Variants in EPS15 observed in about 807,000 individuals in gnomAD.
EPS15 encodes epidermal growth factor receptor substrate 15.
In EPS15, 72 loss-of-function variants were observed where a neutral mutation model predicts 113.8. The observed-to-expected ratio is 0.63, with a 90% CI of 0.52 to 0.77. EPS15 has a LOEUF of 0.77. Among genes scored for constraint, EPS15 ranks in the 30% least tolerant of loss-of-function variants. The pLI, the probability that EPS15 is intolerant of heterozygous loss-of-function variation, is 0.00. For missense variants in EPS15, 1,048 were observed against 1,045.8 expected, an observed-to-expected ratio of 1.00 and a Z score of -0.03; for synonymous variants, 344 against 363.4, an observed-to-expected ratio of 0.95 and a Z score of 0.61.
chr1:51,400,766 A>G (rs1383126161), intron 19 of EPS15, 152 bp downstream of exon 19: 10 of 445,624 alleles, frequency 2.2e-5, no homozygotes, highest in Admixed American at 8.6e-5. Context: ...ACAATTCATT[A>G]AGCAAAATCA....
At chr1:51,449,230 C>T (rs1009330993) in intron 8 of EPS15, among the ~76,000 whole-genome samples, 2 of 152,116 alleles carry the variant, frequency 1.3e-5, no homozygotes, top group East Asian at 1.9e-4. Context: ...AAATGTGGTA[C>T]ATATACACCA....
At chr1:51,514,413 G>A (rs1644678457) in intron 1 of EPS15, among the ~76,000 whole-genome samples, 1 of 152,018 alleles carries the variant, frequency 6.6e-6, no homozygotes, top group Admixed American at 6.6e-5. Flanking sequence ...ACATGTGAAG[G>A]TTTATTACAT....
chr1:51,519,124 A>AT, intron 1 of EPS15, 75 bp downstream of exon 1: 2 of 1,049,558 alleles, frequency 1.9e-6, no homozygotes, highest in Non-Finnish European at 2.7e-6. Flanking sequence ...ACAAGCCAAG[A>AT]AGTCGGCGAA....
At chr1:51,399,440 T>C (rs1648294946) in intron 19 of EPS15, among the ~76,000 whole-genome samples, 1 of 151,952 alleles carries the variant, frequency 6.6e-6, no homozygotes, top group South Asian at 2.1e-4. Context: ...TAGTCCCAGC[T>C]ACTCGGGAGG....
intron 10 of EPS15, among the ~76,000 whole-genome samples, 159 bp downstream of exon 10, chr1:51,446,801 T>C (rs184069085): frequency 6.6e-6 from 1 of 152,200 alleles, no homozygotes; most frequent in African/African-American, 2.4e-5. Context: ...TCTCAAGCTT[T>C]TGTCCATTAG....
At chr1:51,517,152 GTTA>G (rs1419927307) in intron 1 of EPS15, among the ~76,000 whole-genome samples, 2 of 152,162 alleles carry the variant, frequency 1.3e-5, no homozygotes, top group African/African-American at 4.8e-5. Flanking sequence ...AACTGGAAAT[GTTA>G]TTTTTTCGTG....
At chr1:51,449,201 A>G (rs955878487) in intron 8 of EPS15, among the ~76,000 whole-genome samples, 2 of 152,088 alleles carry the variant, frequency 1.3e-5, no homozygotes, top group South Asian at 2.1e-4. Context: ...ATGCCCATCA[A>G]TGGTAGACTG....
intron 12 of EPS15, among the ~76,000 whole-genome samples, chr1:51,439,570 C>G (rs886162880): frequency 6.6e-6 from 1 of 152,026 alleles, no homozygotes; most frequent in Admixed American, 6.6e-5. Context: ...ATTTTATAGT[C>G]ATTTTTACAA....
chr1:51,383,117 G>C (rs1020348647), intron 21 of EPS15, among the ~76,000 whole-genome samples: 1 of 152,050 alleles, frequency 6.6e-6, no homozygotes, highest in Non-Finnish European at 1.5e-5. Flanking sequence ...ACAGAATGAG[G>C]GGAAAAATAC....
intron 10 of EPS15, 105 bp from the exon 11 acceptor site, chr1:51,445,150 A>G (rs1652918682): frequency 9.9e-7 from 1 of 1,011,954 alleles, no homozygotes; most frequent in Non-Finnish European, 1.4e-6. Flanking sequence ...GGTGAATTTA[A>G]AAAGACAGTC....
chr1:51,397,176 G>C (rs895883214), intron 20 of EPS15: 1 of 152,118 alleles, frequency 6.6e-6, no homozygotes, highest in Admixed American at 6.6e-5. Flanking sequence ...CACCACACCT[G>C]GCCTCAACTT....
intron 12 of EPS15, among the ~76,000 whole-genome samples, chr1:51,439,558 T>C (rs925958276): frequency 6.6e-6 from 1 of 152,098 alleles, no homozygotes; most frequent in Non-Finnish European, 1.5e-5. Context: ...TTTTAAAAAG[T>C]AATTTTATAG....
intron 21 of EPS15, among the ~76,000 whole-genome samples, chr1:51,375,327 A>G (rs1321433679): frequency 6.6e-6 from 1 of 152,204 alleles, no homozygotes; most frequent in African/African-American, 2.4e-5. Flanking sequence ...TATCCCTATG[A>G]TAACAAGTAT....
chr1:51,491,369 T>C (rs905183936), intron 1 of EPS15, among the ~76,000 whole-genome samples: 3 of 152,140 alleles, frequency 2.0e-5, no homozygotes, highest in African/African-American at 4.8e-5. Flanking sequence ...CCTTTAAAGA[T>C]AGAATAGCAA....
At chr1:51,423,520 AC>A (rs1301654170) in intron 12 of EPS15, 3 of 985,012 alleles carry the variant, frequency 3.0e-6, no homozygotes, top group African/African-American at 3.5e-5. Flanking sequence ...AAAATCTAGC[AC>A]CCTCCCCCCA....
chr1:51,358,164 T>C (rs1646285894), intron 24 of EPS15, among the ~76,000 whole-genome samples: 1 of 152,102 alleles, frequency 6.6e-6, no homozygotes, highest in Non-Finnish European at 1.5e-5. Flanking sequence ...ATTAGCCAGG[T>C]GTGGTGGTGC....
chr1:51,461,209 G>A (rs2148499525), intron 7 of EPS15, 59 bp from the exon 8 acceptor site: 8 of 1,280,788 alleles, frequency 6.2e-6, no homozygotes, highest in Non-Finnish European at 9.1e-6. Context: ...TTCTACTCGA[G>A]GGCAAGAAAA....
chr1:51,481,823 C>T (rs991493636), intron 1 of EPS15, among the ~76,000 whole-genome samples: 3 of 152,186 alleles, frequency 2.0e-5, no homozygotes, highest in Non-Finnish European at 2.9e-5. Context: ...ATTCACACTA[C>T]AGTTCAAAGA....
intron 11 of EPS15, among the ~76,000 whole-genome samples, chr1:51,441,831 T>C (rs1652620083): frequency 6.6e-6 from 1 of 152,152 alleles, no homozygotes; most frequent in Admixed American, 6.5e-5. Flanking sequence ...CCGATTTAAG[T>C]GCTATTTCAC....
Sources: allele counts gnomAD v4.1 joint callset (sites outside exome capture counted in the v4.1 genomes callset), GRCh38; gene constraint gnomAD v4.1.1; transcripts MANE v1.5; gene names NCBI Gene and HGNC (gene_info 2026-07-23, HGNC 2026-07-21).